Variants in XKR4 observed in about 807,000 individuals in gnomAD.
XKR4 encodes XK-related protein 4.
XKR4 carries 12 observed loss-of-function variants against 53.9 expected under a neutral mutation model. The observed-to-expected ratio is 0.22, with a 90% CI of 0.14 to 0.36. XKR4 has a LOEUF of 0.36. Among genes scored for constraint, XKR4 ranks in the 10% least tolerant of loss-of-function variants. XKR4 has a pLI of 1.00. For synonymous variants in XKR4, 354 were observed against 362.4 expected (o/e 0.98, Z 0.26); for missense variants, 799 against 859.5 (o/e 0.93, Z 0.88).
At chr8:55,379,771 T>C (rs928839584) in intron 2 of XKR4, among the ~76,000 whole-genome samples, 2 of 152,178 alleles carry the variant, frequency 1.3e-5, no homozygotes, top group Non-Finnish European at 2.9e-5. Context: ...GAGCATAGGG[T>C]TCCAGGGCAT....
chr8:55,151,174 C>T (rs1730676326), intron 1 of XKR4, among the ~76,000 whole-genome samples: 1 of 152,166 alleles, frequency 6.6e-6, no homozygotes, highest in African/African-American at 2.4e-5. Context: ...GCAATATTAG[C>T]AACATACGAA....
At chr8:55,284,812 C>T (rs1818885645) in intron 1 of XKR4, among the ~76,000 whole-genome samples, 1 of 152,144 alleles carries the variant, frequency 6.6e-6, no homozygotes, top group Admixed American at 6.5e-5. Context: ...GGAGGATTGC[C>T]AAAGAATATG....
chr8:55,434,910 G>A (rs749129920), intron 2 of XKR4, among the ~76,000 whole-genome samples: 6 of 152,160 alleles, frequency 3.9e-5, no homozygotes, highest in Non-Finnish European at 8.8e-5. Context: ...TGTGCCACGT[G>A]GGGTTCACCC....
intron 2 of XKR4, among the ~76,000 whole-genome samples, chr8:55,442,411 A>G (rs1420291205): frequency 1.3e-5 from 2 of 152,210 alleles, no homozygotes; most frequent in Admixed American, 1.3e-4. Context: ...TTGTTTTGGA[A>G]AACAGTTTGA....
chr8:55,151,106 T>C (rs1359639765), intron 1 of XKR4, among the ~76,000 whole-genome samples: 1 of 152,230 alleles, frequency 6.6e-6, no homozygotes, highest in African/African-American at 2.4e-5. Flanking sequence ...TTGTCTTTTA[T>C]TTATCATCTC....
At chr8:55,318,565 G>T (rs1803153002) in intron 1 of XKR4, among the ~76,000 whole-genome samples, 1 of 152,098 alleles carries the variant, frequency 6.6e-6, no homozygotes, top group Non-Finnish European at 1.5e-5. Flanking sequence ...ATGCAATTTT[G>T]CTTTGGGCTT....
intron 1 of XKR4, among the ~76,000 whole-genome samples, chr8:55,346,794 G>A (rs1209648998): frequency 6.6e-6 from 1 of 150,742 alleles, no homozygotes; most frequent in African/African-American, 2.4e-5. Flanking sequence ...TAGTAATGTT[G>A]TTTATTTAAA....
chr8:55,152,689 A>G, intron 1 of XKR4, among the ~76,000 whole-genome samples: 1 of 152,176 alleles, frequency 6.6e-6, no homozygotes, highest in East Asian at 1.9e-4. Context: ...TGGAAACACC[A>G]AGATAACTGA....
intron 2 of XKR4, chr8:55,449,590 G>T: frequency 7.9e-7 from 1 of 1,268,078 alleles, no homozygotes; most frequent in Non-Finnish European, 1.2e-6. Context: ...AGTCGTAAAC[G>T]CGAGGAGTTG....
At chr8:55,451,452 C>G (rs1181971171) in intron 2 of XKR4, 2 of 1,239,402 alleles carry the variant, frequency 1.6e-6, no homozygotes, top group East Asian at 5.0e-5. Context: ...CCTGCAGGTA[C>G]TTCTCCTGCT....
At chr8:55,315,125 T>A (rs1320420489) in intron 1 of XKR4, among the ~76,000 whole-genome samples, 1 of 152,190 alleles carries the variant, frequency 6.6e-6, no homozygotes, top group East Asian at 1.9e-4. Context: ...ACTTGATACC[T>A]GAGTGGAATG....
chr8:55,176,367 G>T (rs903822280), intron 1 of XKR4, among the ~76,000 whole-genome samples: 3 of 152,172 alleles, frequency 2.0e-5, no homozygotes, highest in African/African-American at 4.8e-5. Context: ...GTCCCCAGCC[G>T]CTGCCTCCAG....
chr8:55,257,670 T>C (rs1220385207), intron 1 of XKR4, among the ~76,000 whole-genome samples: 1 of 152,160 alleles, frequency 6.6e-6, no homozygotes, highest in African/African-American at 2.4e-5. Context: ...TACTCATGGG[T>C]TTGCATTTTA....
Position 55,126,924 on chromosome 8 carries a change from A to G in XKR4, c.806+23630A>G, listed in dbSNP as rs549874371. Among the ~76,000 whole-genome samples, 9 of 152,370 alleles carry G rather than the reference A, an allele frequency of 5.9e-5. No individual in the cohort carries two copies. In the East Asian group the frequency reaches 1.7e-3, roughly 29 times the overall value. On this transcript the variant is annotated intron_variant, in intron 1 of 2. Coordinates refer to ENST00000327381, the MANE Select transcript of XKR4 (RefSeq NM_052898.2). Reference sequence around the variant, plus strand: ...TAACTTGCTATTTTCAAAAAATCTTAAACAGGAATCCTTTTTATAAAACAA... The same window carrying G: ...TAACTTGCTATTTTCAAAAAATCTTGAACAGGAATCCTTTTTATAAAACAA...
intron 2 of XKR4, among the ~76,000 whole-genome samples, chr8:55,393,459 A>AAGGAAGG (rs1804473452): frequency 8.3e-6 from 1 of 120,134 alleles, no homozygotes; most frequent in Non-Finnish European, 1.9e-5. Context: ...AGGAAGGAAG[A>AAGGAAGG]AAGGAAGGAA....
intron 2 of XKR4, among the ~76,000 whole-genome samples, chr8:55,489,781 A>G (rs570818840): frequency 6.6e-6 from 1 of 152,276 alleles, no homozygotes; most frequent in South Asian, 2.1e-4. Flanking sequence ...GAACTAGGTA[A>G]GTCATCAACA....
chr8:55,302,885 G>A (rs897281406), intron 1 of XKR4, among the ~76,000 whole-genome samples: 2 of 152,182 alleles, frequency 1.3e-5, no homozygotes, highest in Non-Finnish European at 2.9e-5. Flanking sequence ...ATCAGCTTAA[G>A]GAGATTTTGG....
At chr8:55,428,755 G>A (rs569620477) in intron 2 of XKR4, among the ~76,000 whole-genome samples, 2 of 152,278 alleles carry the variant, frequency 1.3e-5, no homozygotes, top group East Asian at 1.9e-4. Context: ...AAATTATAAA[G>A]CACTGACGAA....
intron 1 of XKR4, among the ~76,000 whole-genome samples, chr8:55,303,881 T>G (rs1819247600): frequency 6.6e-6 from 1 of 152,194 alleles, no homozygotes; most frequent in South Asian, 2.1e-4. Flanking sequence ...ATTTGATTCT[T>G]CTCTCTTTTC....
Sources: gnomAD v4.1 joint callset for allele counts (sites outside exome capture counted in the v4.1 genomes callset) on GRCh38, gnomAD v4.1.1 for gene constraint, MANE v1.5 for transcripts, NCBI Gene and HGNC (gene_info 2026-07-23, HGNC 2026-07-21) for gene names.